The following CELF2 variants were observed in gnomAD, a reference collection of about 807,000 sequenced individuals.
The protein encoded by CELF2 is CUGBP Elav-like family member 2, also known as CUG triplet repeat RNA-binding protein 2.
In CELF2, 8 loss-of-function variants were observed where a neutral mutation model predicts 62.6. The ratio of observed to expected loss-of-function variants is 0.13; its 90% CI spans 0.07 to 0.23. CELF2 has a LOEUF of 0.23. CELF2 is among the 10% of genes least tolerant of loss of function. The pLI is 1.00. For synonymous variants in CELF2, 258 were observed against 250.0 expected, an observed-to-expected ratio of 1.03 and a Z score of -0.30; for missense variants, 333 against 671.0, an observed-to-expected ratio of 0.50 and a Z score of 5.56.
chr10:10,782,822 G>A, the CELF2 span, among the ~76,000 whole-genome samples: 1 of 152,134 alleles, frequency 6.6e-6, no homozygotes, highest in Non-Finnish European at 1.5e-5. Flanking sequence ...CGTGCCCCCT[G>A]GTCTGTGATG....
chr10:11,085,211 A>G (rs986445443), intron 1 of CELF2, among the ~76,000 whole-genome samples: 1 of 152,258 alleles, frequency 6.6e-6, no homozygotes, highest in Non-Finnish European at 1.5e-5. Flanking sequence ...CGTTGAAGAC[A>G]TTGGAAATCA....
chr10:11,183,058 A>G (rs1162165153), intron 2 of CELF2, among the ~76,000 whole-genome samples: 1 of 152,232 alleles, frequency 6.6e-6, no homozygotes, highest in Non-Finnish European at 1.5e-5. Context: ...CTGTGAAACC[A>G]TCACAACAAT....
chr10:10,605,829 G>T, the CELF2 span, among the ~76,000 whole-genome samples: 1 of 152,184 alleles, frequency 6.6e-6, no homozygotes, highest in African/African-American at 2.4e-5. Context: ...CGTTTAATCA[G>T]TCCAAAAAAC....
chr10:10,621,106 T>C, the CELF2 span, among the ~76,000 whole-genome samples: 1 of 145,630 alleles, frequency 6.9e-6, no homozygotes, highest in Non-Finnish European at 1.5e-5. Context: ...TAGCCAGGCA[T>C]GGTGGCGGGC....
At chr10:10,611,544 C>A in the CELF2 span, among the ~76,000 whole-genome samples, 1 of 152,122 alleles carries the variant, frequency 6.6e-6, no homozygotes, top group East Asian at 1.9e-4. Flanking sequence ...TGTAACAAAA[C>A]GTAACTGAGA....
the CELF2 span, among the ~76,000 whole-genome samples, chr10:10,526,864 C>T: frequency 0.02 from 3,003 of 152,298 alleles, 53 homozygotes; most frequent in Middle Eastern, 0.061. Context: ...GCTGAACAAC[C>T]ACTCAGAGCT....
chr10:10,887,598 T>A (rs2061844636), intron 1 of CELF2, among the ~76,000 whole-genome samples: 1 of 152,174 alleles, frequency 6.6e-6, no homozygotes, highest in Non-Finnish European at 1.5e-5. Context: ...TTGGTCTATT[T>A]TTTTGTAACC....
chr10:10,850,287 T>C (rs529672710), intron 1 of CELF2, among the ~76,000 whole-genome samples: 1 of 152,260 alleles, frequency 6.6e-6, no homozygotes, highest in East Asian at 1.9e-4. Flanking sequence ...TGCCCAAACA[T>C]GTGGCAGGAT....
intron 1 of CELF2, chr10:11,074,862 T>G (rs750191116): frequency 3.9e-5 from 6 of 152,248 alleles, no homozygotes; most frequent in Non-Finnish European, 8.8e-5. Context: ...AGGAATTATG[T>G]GTTATTCTTA....
rs1216073360 is a variant in CELF2 at position 11,242,472 on chromosome 10, A to G, written c.355-6681A>G. On this transcript the variant is annotated intron_variant, in intron 3 of 12. Coordinates refer to ENST00000633077, the MANE Select transcript of CELF2 (RefSeq NM_001326342.2). This position sits in a 1 kb window ranked among gnomAD's most constrained non-coding sequence, Gnocchi z 4.8. ...GCAGAGGGCTTCAGAGAGCCCCACGAGGTTGTGTCCATAGTGGCGACTCTG... is the reference window on the plus strand; with the variant it reads ...GCAGAGGGCTTCAGAGAGCCCCACGGGGTTGTGTCCATAGTGGCGACTCTG... Among the ~76,000 whole-genome samples the G allele has an allele frequency of 6.6e-6, 1 of 151,906 alleles. No individual in the cohort carries two copies. The highest frequency in any genetic ancestry group is 1.5e-5 in the Non-Finnish European group (1 of 67,956).
the CELF2 span, among the ~76,000 whole-genome samples, chr10:10,663,752 T>A: frequency 1.3e-5 from 2 of 152,206 alleles, no homozygotes; most frequent in African/African-American, 2.4e-5. Context: ...TGGCCCTGAA[T>A]ATCCATCCAA....
In CELF2 at chr10:11,217,370, T is replaced by C. The variant is rs2063621157; in HGVS notation, c.272-55T>C. The C allele has an allele frequency of 8.0e-7, 1 of 1,256,188 alleles. No homozygotes were observed. Among genetic ancestry groups the C allele is most frequent in the Admixed American group, 1.8e-5 (1 of 55,296 alleles). The allele number at this position is 1,256,188 out of a possible 1,614,324, so 77.8% of individuals were successfully genotyped here. A position where few individuals can be genotyped will look rare whatever the true frequency, so the allele number is the denominator to read the frequency against. On this transcript the variant is annotated intron_variant, in intron 2 of 12. Coordinates refer to ENST00000633077, the MANE Select transcript of CELF2 (RefSeq NM_001326342.2). The surrounding 1 kb of genome is among the most constrained non-coding windows in gnomAD (Gnocchi z 5.6). ...TGTTTGTTCGCCACAGTCTCCATTA[T>C]ATCTAAGCAAAGCATTCACAGAAAT... is the stretch of plus-strand genomic sequence containing the variant.
the CELF2 span, among the ~76,000 whole-genome samples, chr10:10,465,688 T>A: frequency 1.3e-5 from 2 of 152,126 alleles, no homozygotes; most frequent in African/African-American, 4.8e-5. Flanking sequence ...ATCCTCCTCA[T>A]CTTTACAAAG....
At chr10:10,920,700 AAAG>A (rs2064813228) in intron 2 of CELF2, among the ~76,000 whole-genome samples, 1 of 151,520 alleles carries the variant, frequency 6.6e-6, no homozygotes, top group Non-Finnish European at 1.5e-5. Context: ...GAAATGGAGA[AAAG>A]AAGGAAGGAA....
chr10:10,466,000 G>T, the CELF2 span, among the ~76,000 whole-genome samples: 1 of 152,104 alleles, frequency 6.6e-6, no homozygotes, highest in Admixed American at 6.6e-5. Context: ...TGCTGTTCTA[G>T]CATCTGTTCA....
At chr10:10,941,251 T>C (rs1037466333) in intron 2 of CELF2, among the ~76,000 whole-genome samples, 11 of 152,170 alleles carry the variant, frequency 7.2e-5, no homozygotes, top group Admixed American at 2.0e-4. Flanking sequence ...CATAGCCAAC[T>C]TGGACTGAGA....
At chr10:11,142,390 A>G (rs2061489457) in intron 1 of CELF2, among the ~76,000 whole-genome samples, 1 of 148,454 alleles carries the variant, frequency 6.7e-6, no homozygotes, top group Non-Finnish European at 1.5e-5. Flanking sequence ...TTAAAAGTGG[A>G]TGGGCTGGGC....
intron 2 of CELF2, among the ~76,000 whole-genome samples, chr10:10,942,821 T>C (rs548412789): frequency 1.3e-5 from 2 of 152,334 alleles, no homozygotes; most frequent in South Asian, 4.1e-4. Flanking sequence ...TTCTTAATTA[T>C]TTGTGGTGAT....
chr10:10,733,039 T>C, the CELF2 span, among the ~76,000 whole-genome samples: 2 of 152,222 alleles, frequency 1.3e-5, no homozygotes, highest in Non-Finnish European at 2.9e-5. Context: ...ACCTATTCCC[T>C]GGGAGTAACT....
Sources: allele counts gnomAD v4.1 joint callset (sites outside exome capture counted in the v4.1 genomes callset), GRCh38; gene constraint gnomAD v4.1.1; non-coding constraint Gnocchi (gnomAD v3.1); transcripts MANE v1.5; gene names NCBI Gene and HGNC (gene_info 2026-07-23, HGNC 2026-07-21).